The following ADNP2 variants were observed in gnomAD, a reference collection of about 807,000 sequenced individuals.
ADNP2 encodes activity-dependent neuroprotector homeobox protein 2.
In ADNP2, 8 loss-of-function variants were observed where a neutral mutation model predicts 16.4. That is an observed-to-expected ratio of 0.49 (90% CI 0.29 to 0.88). The LOEUF (loss-of-function observed/expected upper bound fraction) is 0.88. Ranked by LOEUF, ADNP2 falls within the 40% of genes least tolerant of loss-of-function variation. ADNP2 has a pLI of 0.09. For missense variants in ADNP2, 1,397 were observed against 1,395.1 expected (o/e 1.00, Z -0.02); for synonymous variants, 637 against 545.8 (o/e 1.17, Z -2.33).
intron 2 of ADNP2, among the ~76,000 whole-genome samples, chr18:80,132,660 C>A (rs1477520372): frequency 8.8e-6 from 1 of 113,594 alleles, no homozygotes; most frequent in Non-Finnish European, 1.8e-5. Context: ...CTCACTCTCT[C>A]CTCTCTCCCC....
chr18:80,133,179 C>G lies in ADNP2; in HGVS notation c.185C>G (p.Ser62Cys). Reference protein sequence around the residue: ...SWGDVSLWEPSGKKVRYRTKP... With the variant: ...SWGDVSLWEPCGKKVRYRTKP... The stretch of plus-strand genomic sequence containing the variant: ...GGTGATGTTTCTCTCTGGGAACCTT[C>G]TGGAAAGAAAGTGGTATGTATTTTT... Residue 62 changes from serine (S) to cysteine (C), a missense_variant, in exon 3 of 4, where the codon TCT (serine) becomes TGT (cysteine). Transcript: ENST00000262198. The G allele has an allele frequency of 6.2e-7, 1 of 1,612,978 alleles. No individual in the cohort carries two copies. The highest frequency in any genetic ancestry group is 8.5e-7 in the Non-Finnish European group (1 of 1,179,056).
intron 3 of ADNP2, among the ~76,000 whole-genome samples, chr18:80,134,764 C>G (rs1415814022): frequency 6.6e-6 from 1 of 152,106 alleles, no homozygotes; most frequent in Non-Finnish European, 1.5e-5. Context: ...GTCAGTGTTG[C>G]GTTCTGTGGC....
At chr18:80,132,619 C>T (rs2052504195) in intron 2 of ADNP2, among the ~76,000 whole-genome samples, 1 of 151,306 alleles carries the variant, frequency 6.6e-6, no homozygotes, top group Non-Finnish European at 1.5e-5. Context: ...CTTTCTCTTT[C>T]TTTTTTCTCT....
At chr18:80,133,357 G>C (rs964846225) in intron 3 of ADNP2, among the ~76,000 whole-genome samples, 165 bp downstream of exon 3, 2 of 152,214 alleles carry the variant, frequency 1.3e-5, no homozygotes, top group African/African-American at 4.8e-5. Context: ...ATAGTGTGTG[G>C]TCAGGCAGGG....
chr18:80,130,127 G>A (rs11081592), intron 2 of ADNP2, among the ~76,000 whole-genome samples: 24,886 of 151,978 alleles, frequency 0.16, 2,848 homozygotes, highest in East Asian at 0.47. Context: ...GGTCTCTACG[G>A]CCATTTGTCT....
At chr18:80,112,455 A>T (rs1027470129) in intron 1 of ADNP2, among the ~76,000 whole-genome samples, 1 of 151,616 alleles carries the variant, frequency 6.6e-6, no homozygotes, top group Non-Finnish European at 1.5e-5. Flanking sequence ...GGAGGGGGGA[A>T]CTTTTCCCCC....
chr18:80,138,396 G>C lies in ADNP2; in HGVS notation c.2983G>C (p.Glu995Gln). 6.2e-7 allele frequency: 1 copy of C among 1,614,030 alleles called. No individual in the cohort carries two copies. The highest frequency in any genetic ancestry group is 2.2e-5 in the East Asian group (1 of 44,874). The change falls in exon 4 of 4, where the codon GAG (glutamate) becomes CAG (glutamine). Residue 995 changes from glutamate to glutamine, a missense_variant. Glu to Gln is a conservative substitution (Grantham distance 29, BLOSUM62 2). Around this residue, in one of 3 missense-constraint regions of ADNP2, gnomAD observed 611 missense variants for 648.7 expected, o/e 0.94. Coordinates refer to ENST00000262198, the MANE Select transcript of ADNP2 (RefSeq NM_014913.4). ...LGAEDQRHGE[E>Q]QPPILNADAA... ...GGCCGAAGACCAGCGGCATGGGGAG[G>C]AGCAGCCTCCCATCCTAAATGCCGA... is the stretch of plus-strand genomic sequence containing the variant.
At chr18:80,115,055 A>G (rs1207254017) in intron 1 of ADNP2, among the ~76,000 whole-genome samples, 1 of 152,198 alleles carries the variant, frequency 6.6e-6, no homozygotes, top group African/African-American at 2.4e-5. Context: ...AGTTCTGCCC[A>G]AAGGTCAGGA....
At position 80,136,988 on chromosome 18, in the gene ADNP2, A is replaced by C. The variant is rs374592603; in HGVS notation, c.1575A>C (p.Thr525=). The C allele has an allele frequency of 2.5e-6, 4 of 1,613,934 alleles. No individual in the cohort carries two copies. Among genetic ancestry groups the C allele is most frequent in the Non-Finnish European group, 3.4e-6 (4 of 1,179,998 alleles). ...VPSGLLSPNQ[T]VSSSAVVPVN... ...CTGGGCTTCTTTCTCCCAACCAGAC[A>C]GTCTCCTCCTCAGCTGTTGTGCCTG... is the stretch of plus-strand genomic sequence containing the variant. The change falls in exon 4 of 4, where the codon ACA becomes ACC. Residue 525 remains threonine (T), a synonymous_variant. Transcript: ENST00000262198.
chr18:80,117,278 T>A (rs1419464849), intron 1 of ADNP2, among the ~76,000 whole-genome samples: 1 of 152,180 alleles, frequency 6.6e-6, no homozygotes, highest in Non-Finnish European at 1.5e-5. Flanking sequence ...TGTTTATGCT[T>A]ACGTTTTCTT....
chr18:80,118,818 C>G (rs4799134), intron 2 of ADNP2, among the ~76,000 whole-genome samples: 1 of 151,892 alleles, frequency 6.6e-6, no homozygotes, highest in African/African-American at 2.4e-5. Context: ...TGCAGAGATA[C>G]GGTACTTCAC....
At chr18:80,118,532 G>T (rs901972795) in intron 2 of ADNP2, among the ~76,000 whole-genome samples, 1 of 152,104 alleles carries the variant, frequency 6.6e-6, no homozygotes, top group Non-Finnish European at 1.5e-5. Context: ...ATTAATAAAT[G>T]TAGTCTAGGA....
intron 2 of ADNP2, 148 bp downstream of exon 2, chr18:80,117,798 A>T: frequency 1.7e-6 from 1 of 588,558 alleles, no homozygotes; most frequent in Non-Finnish European, 2.9e-6. Flanking sequence ...TTATGTCTTT[A>T]TGACATAAAG....
intron 2 of ADNP2, among the ~76,000 whole-genome samples, chr18:80,124,831 G>A (rs1599812076): frequency 6.6e-6 from 1 of 152,058 alleles, no homozygotes; most frequent in Admixed American, 6.5e-5. Context: ...ATATTTCAGG[G>A]TAATGGTTTA....
chr18:80,123,606 TG>T (rs2052439241), intron 2 of ADNP2, among the ~76,000 whole-genome samples: 2 of 152,160 alleles, frequency 1.3e-5, no homozygotes, highest in South Asian at 4.1e-4. Context: ...CGACCTCAGG[TG>T]ATCTGCCCGC....
intron 1 of ADNP2, 47 bp downstream of exon 1, chr18:80,109,519 GC>G (rs2052342574): frequency 6.8e-6 from 1 of 147,646 alleles, no homozygotes; most frequent in South Asian, 2.1e-4. Flanking sequence ...GACGCCCCCT[GC>G]CCCGGTCCTG....
intron 3 of ADNP2, among the ~76,000 whole-genome samples, chr18:80,134,041 A>G (rs925559337): frequency 6.6e-6 from 1 of 151,884 alleles, no homozygotes; most frequent in African/African-American, 2.4e-5. Context: ...GTTGAGACCC[A>G]TTTTTCAGTC....
chr18:80,130,001 C>G (rs939709359), intron 2 of ADNP2, among the ~76,000 whole-genome samples: 2 of 152,188 alleles, frequency 1.3e-5, no homozygotes, highest in Admixed American at 6.5e-5. Context: ...TTCCTTTGAG[C>G]TGTGACTTTT....
At position 80,139,993 on chromosome 18, in the gene ADNP2, C is replaced by T. The variant is rs2052570590; in HGVS notation, c.*1184C>T. The T allele has an allele frequency of 1.3e-5, 2 of 152,124 alleles. No individual in the cohort carries two copies. The highest frequency in any genetic ancestry group is 4.1e-4 in the South Asian group (2 of 4,828). 9.4% of individuals were successfully genotyped at this position (152,124 alleles called of 1,614,324 possible). On this transcript the variant is annotated 3_prime_UTR_variant, in exon 4 of 4. Transcript: ENST00000262198. ...ATGTTAAACCTCGTTTTTTTCCCCA[C>T]ACGATATTAAAACTTAAAGCACCAG... is the stretch of plus-strand genomic sequence containing the variant.
Sources: allele counts gnomAD v4.1 joint callset (sites outside exome capture counted in the v4.1 genomes callset), GRCh38; gene constraint gnomAD v4.1.1; regional missense constraint gnomAD v4.1.1; transcripts MANE v1.5; gene names NCBI Gene and HGNC (gene_info 2026-07-23, HGNC 2026-07-21).